DLG2: variants seen among roughly 807,000 people sequenced by gnomAD.
DLG2 encodes the protein discs large MAGUK scaffold protein 2.
DLG2 carries 45 observed loss-of-function variants against 132.5 expected under a neutral mutation model. That is an observed-to-expected ratio of 0.34 (90% CI 0.27 to 0.44). DLG2 has a LOEUF of 0.44. DLG2 is among the 20% of genes least tolerant of loss of function. The pLI, the probability that DLG2 is intolerant of heterozygous loss-of-function variation, is 1.00. For synonymous variants in DLG2, 424 were observed against 419.6 expected, an observed-to-expected ratio of 1.01 and a Z score of -0.13; for missense variants, 1,045 against 1,196.9, an observed-to-expected ratio of 0.87 and a Z score of 1.87.
chr11:83,641,058 G>A (rs1352360648), intron 18 of DLG2, among the ~76,000 whole-genome samples: 1 of 152,144 alleles, frequency 6.6e-6, no homozygotes, highest in Non-Finnish European at 1.5e-5. Context: ...ATCCAAGAGA[G>A]TGTAATTTAT....
chr11:84,232,080 A>T (rs10898216), intron 8 of DLG2, among the ~76,000 whole-genome samples: 26,286 of 151,764 alleles, frequency 0.17, 3,647 homozygotes, highest in African/African-American at 0.38. Flanking sequence ...TAAGGAAAAA[A>T]ATATATATAA....
intron 6 of DLG2, among the ~76,000 whole-genome samples, chr11:84,747,234 C>T (rs567656027): frequency 6.6e-6 from 1 of 152,190 alleles, no homozygotes; most frequent in East Asian, 1.9e-4. Flanking sequence ...ATGCAATTCC[C>T]TTTTTTAATT....
In DLG2 at chr11:83,872,538, G is replaced by C. The variant is rs1044197112; in HGVS notation, c.1565+1882C>G. Among the ~76,000 whole-genome samples, 7 of 152,256 alleles carry C rather than the reference G, an allele frequency of 4.6e-5. No individual in the cohort carries two copies. The East Asian group carries it at 1.2e-3, about 25-fold the overall frequency. On this transcript the variant is annotated intron_variant, in intron 16 of 27. Coordinates refer to ENST00000376104, the MANE Select transcript of DLG2 (RefSeq NM_001142699.3). ...TTTTTTTGTAAAAGGAGTCACTCTGGTGTTTTGAAGTTAGGGTAACACCTT... is the reference window on the plus strand; with the variant it reads ...TTTTTTTGTAAAAGGAGTCACTCTGCTGTTTTGAAGTTAGGGTAACACCTT...
At chr11:84,611,316 G>A (rs879627090) in intron 6 of DLG2, among the ~76,000 whole-genome samples, 2 of 152,138 alleles carry the variant, frequency 1.3e-5, no homozygotes, top group Non-Finnish European at 2.9e-5. Context: ...CCATATGCCA[G>A]TTTCTACATT....
chr11:85,154,384 C>T (rs1483476736), intron 5 of DLG2, among the ~76,000 whole-genome samples, 172 bp downstream of exon 5: 1 of 152,188 alleles, frequency 6.6e-6, no homozygotes, highest in African/African-American at 2.4e-5. Flanking sequence ...ACGTGATACA[C>T]ATTCAGTGTC....
chr11:85,513,187 T>A (rs975504759), intron 3 of DLG2, among the ~76,000 whole-genome samples: 1 of 151,846 alleles, frequency 6.6e-6, no homozygotes, highest in Non-Finnish European at 1.5e-5. Flanking sequence ...CACTGAGGAT[T>A]CTAGAAGGGG....
chr11:85,196,870 C>T (rs1453334615), intron 4 of DLG2, among the ~76,000 whole-genome samples: 1 of 152,172 alleles, frequency 6.6e-6, no homozygotes, highest in Non-Finnish European at 1.5e-5. Flanking sequence ...ACATGCAGTT[C>T]TCTGAATGGA....
intron 4 of DLG2, among the ~76,000 whole-genome samples, chr11:85,179,898 A>G (rs1340712132): frequency 6.6e-6 from 1 of 152,072 alleles, no homozygotes; most frequent in East Asian, 1.9e-4. Flanking sequence ...TTATACTATT[A>G]GTGCACCATT....
chr11:83,658,410 T>C (rs537237653), intron 18 of DLG2, among the ~76,000 whole-genome samples: 1 of 152,248 alleles, frequency 6.6e-6, no homozygotes, highest in African/African-American at 2.4e-5. Flanking sequence ...GTTAATTATA[T>C]CCAACTGTCA....
chr11:85,393,199 A>G (rs2086958478), intron 3 of DLG2, among the ~76,000 whole-genome samples: 1 of 152,140 alleles, frequency 6.6e-6, no homozygotes, highest in South Asian at 2.1e-4. Flanking sequence ...AAATATGCAA[A>G]TGGCCAACAA....
chr11:84,273,327 A>C lies in DLG2; in HGVS notation c.520-22036T>G, dbSNP rs1303873467. 4.3e-6 allele frequency: 6 copies of C among 1,384,108 alleles called. No individual in the cohort carries two copies. The African/African-American group carries it at 4.5e-5, about 10-fold the overall frequency. 85.7% of individuals were successfully genotyped at this position (1,384,108 alleles called of 1,614,324 possible). Reference sequence around the variant, plus strand: ...AGAGGAAAAAAAAAAAAAAAAAAAAAAACCCTGCAGATCTGTTACATAAAC... The same window carrying C: ...AGAGGAAAAAAAAAAAAAAAAAAAACAACCCTGCAGATCTGTTACATAAAC... On this transcript the variant is annotated intron_variant, in intron 7 of 27. Transcript: ENST00000376104.
rs116743214 is a variant in DLG2, at chr11:85,344,627, T to C, written c.41-59262A>G. On this transcript the variant is annotated intron_variant, in intron 3 of 27. Transcript: ENST00000376104. ...TATTATGCAATATTGCTTATTCTAA[T>C]AAGACACTATACAAAGTATAGTGAT... Among the ~76,000 whole-genome samples the C allele has an allele frequency of 2.2e-3, 331 of 152,298 alleles. 1 individual carries two copies. Among genetic ancestry groups the C allele is most frequent in the African/African-American group, 7.7e-3 (321 of 41,568 alleles).
chr11:83,659,948 C>T (rs2073813050), intron 18 of DLG2, among the ~76,000 whole-genome samples: 1 of 152,126 alleles, frequency 6.6e-6, no homozygotes, highest in Non-Finnish European at 1.5e-5. Flanking sequence ...CTATTATTTG[C>T]TGAATCCTAA....
chr11:85,612,117 A>C (rs1296982752), intron 2 of DLG2, among the ~76,000 whole-genome samples: 2 of 152,250 alleles, frequency 1.3e-5, no homozygotes, highest in Non-Finnish European at 2.9e-5. Context: ...TTTAAAAGTC[A>C]GGGTAAATTT....
intron 9 of DLG2, among the ~76,000 whole-genome samples, chr11:84,140,508 G>A (rs1289447644): frequency 6.6e-6 from 1 of 152,072 alleles, no homozygotes; most frequent in Non-Finnish European, 1.5e-5. Context: ...TTGGAACACT[G>A]ATTTAACTGT....
chr11:84,350,277 G>A (rs2098557960), intron 7 of DLG2, among the ~76,000 whole-genome samples: 1 of 151,652 alleles, frequency 6.6e-6, no homozygotes, highest in South Asian at 2.1e-4. Context: ...ATGTCCCAGG[G>A]GCTTCATGAA....
intron 6 of DLG2, among the ~76,000 whole-genome samples, chr11:85,079,036 A>C (rs2066908462): frequency 6.6e-6 from 1 of 151,960 alleles, no homozygotes; most frequent in Non-Finnish European, 1.5e-5. Flanking sequence ...GGGGGGTCTG[A>C]GACATCAATC....
intron 19 of DLG2, among the ~76,000 whole-genome samples, chr11:83,611,284 G>C (rs1434153561): frequency 1.3e-5 from 2 of 152,084 alleles, no homozygotes; most frequent in African/African-American, 4.8e-5. Context: ...ATTGAGAAGG[G>C]GGGAAGGGGG....
chr11:84,689,612 C>G (rs1404319230), intron 6 of DLG2, among the ~76,000 whole-genome samples: 2 of 151,906 alleles, frequency 1.3e-5, no homozygotes, highest in Non-Finnish European at 2.9e-5. Flanking sequence ...TCTGTTTTAC[C>G]CATTGTCCTA....
Sources: gnomAD v4.1 joint callset for allele counts (sites outside exome capture counted in the v4.1 genomes callset) on GRCh38, gnomAD v4.1.1 for gene constraint, MANE v1.5 for transcripts, NCBI Gene and HGNC (gene_info 2026-07-23, HGNC 2026-07-21) for gene names.